The following PEAK1 variants were observed in gnomAD, a reference collection of about 807,000 sequenced individuals.
PEAK1 encodes the protein pseudopodium enriched atypical kinase 1.
A neutral mutation model predicts 124.7 loss-of-function variants in PEAK1; 54 were observed. The ratio of observed to expected loss-of-function variants is 0.43; its 90% CI spans 0.35 to 0.54. The LOEUF (loss-of-function observed/expected upper bound fraction) is 0.54, where lower values mean the gene tolerates loss of function less well. Among genes scored for constraint, PEAK1 ranks in the 20% least tolerant of loss-of-function variants. The pLI is 0.01. For missense variants in PEAK1, 2,046 were observed against 2,134.5 expected (o/e 0.96, Z 0.82); for synonymous variants, 719 against 760.0 (o/e 0.95, Z 0.89).
chr15:77,293,965 C>T (rs1025278746), intron 2 of PEAK1, among the ~76,000 whole-genome samples: 13 of 152,130 alleles, frequency 8.5e-5, no homozygotes, highest in Non-Finnish European at 1.9e-4. Flanking sequence ...TATCTTTTTG[C>T]TAAGTGTGTT....
In PEAK1 at chr15:77,180,125, G is replaced by A; in HGVS notation, c.1802C>T (p.Ala601Val). ...GATAATTGGAAAAGGTGGCATACCA[G>A]CATTGTTATAACTATTAAATTTAAT... ...SEIKFNSYNN[A>V]GMPPFPIIIH... Residue 601 changes from alanine to valine, a missense_variant, in exon 7 of 10, where the codon GCT becomes GTT. Coordinates refer to ENST00000682557, the MANE Select transcript of PEAK1 (RefSeq NM_001385026.1). 2 of 1,614,152 alleles carry A rather than the reference G, an allele frequency of 1.2e-6. No homozygotes were observed. Among genetic ancestry groups the A allele is most frequent in the Non-Finnish European group, 1.7e-6 (2 of 1,180,000 alleles).
intron 3 of PEAK1, among the ~76,000 whole-genome samples, chr15:77,285,570 T>G (rs2062882283): frequency 6.6e-6 from 1 of 152,210 alleles, no homozygotes. Context: ...GAATCCCAAC[T>G]TAACTCTTTA....
chr15:77,162,646 G>A (rs937591506), intron 7 of PEAK1, among the ~76,000 whole-genome samples: 8 of 152,062 alleles, frequency 5.3e-5, no homozygotes, highest in African/African-American at 1.9e-4. Context: ...ATTAGGAGAT[G>A]TTTAATGTGA....
chr15:77,159,532 C>A (rs1266990579), intron 7 of PEAK1, among the ~76,000 whole-genome samples: 1 of 152,104 alleles, frequency 6.6e-6, no homozygotes, highest in Non-Finnish European at 1.5e-5. Context: ...ATGGACTGGT[C>A]AATTAAATTA....
At chr15:77,411,513 C>A (rs961105105) in intron 1 of PEAK1, among the ~76,000 whole-genome samples, 2 of 152,172 alleles carry the variant, frequency 1.3e-5, no homozygotes, top group Non-Finnish European at 2.9e-5. Flanking sequence ...AGTTTCTTGA[C>A]GCACACATGC....
At chr15:77,345,522 C>T (rs1482909172) in intron 2 of PEAK1, among the ~76,000 whole-genome samples, 8 of 152,122 alleles carry the variant, frequency 5.3e-5, no homozygotes, top group Admixed American at 5.2e-4. Flanking sequence ...AAAGGGAGAA[C>T]ATTGCACAAC....
intron 2 of PEAK1, chr15:77,349,608 C>G: frequency 1.0e-6 from 1 of 984,834 alleles, no homozygotes. Context: ...GAGTATGATA[C>G]TGAATCCATG....
chr15:77,258,965 C>A (rs1292318845), intron 5 of PEAK1, among the ~76,000 whole-genome samples: 1 of 152,174 alleles, frequency 6.6e-6, no homozygotes, highest in East Asian at 1.9e-4. Flanking sequence ...AAGGCCTTTT[C>A]TCCATCTATT....
intron 2 of PEAK1, chr15:77,355,835 C>T: frequency 1.0e-6 from 1 of 985,198 alleles, no homozygotes; most frequent in Non-Finnish European, 1.2e-6. Flanking sequence ...AACTGCTGAC[C>T]CCCTCCCAGA....
chr15:77,380,877 T>G (rs1197849724), intron 1 of PEAK1, among the ~76,000 whole-genome samples: 1 of 152,202 alleles, frequency 6.6e-6, no homozygotes. Flanking sequence ...TATGCCACTT[T>G]CATCAACCCA....
intron 7 of PEAK1, among the ~76,000 whole-genome samples, chr15:77,165,355 C>T (rs1238695529): frequency 2.6e-5 from 4 of 152,024 alleles, no homozygotes; most frequent in African/African-American, 7.3e-5. Context: ...CCACCATGCC[C>T]GGCTAATTAT....
chr15:77,172,468 T>C (rs2056574222), intron 7 of PEAK1, among the ~76,000 whole-genome samples: 2 of 152,186 alleles, frequency 1.3e-5, no homozygotes, highest in South Asian at 2.1e-4. Context: ...ATACAGTTAG[T>C]TGTTTTCCTT....
intron 2 of PEAK1, chr15:77,332,440 A>G (rs977068063): frequency 1.9e-4 from 39 of 205,870 alleles, no homozygotes; most frequent in African/African-American, 8.5e-4. Context: ...TGTACTAAAA[A>G]TACAAAAAAA....
intron 1 of PEAK1, among the ~76,000 whole-genome samples, chr15:77,384,150 G>C (rs911127083): frequency 3.3e-5 from 5 of 151,336 alleles, no homozygotes; most frequent in African/African-American, 9.7e-5. Context: ...GAAGATCAGA[G>C]TAAAACAAAA....
intron 6 of PEAK1, among the ~76,000 whole-genome samples, chr15:77,238,087 A>G (rs144851347): frequency 6.6e-6 from 1 of 152,010 alleles, no homozygotes; most frequent in East Asian, 1.9e-4. Flanking sequence ...TCTATGTTCC[A>G]TTTTTCTTTC....
chr15:77,335,411 G>A (rs2066137801), intron 2 of PEAK1: 1 of 985,284 alleles, frequency 1.0e-6, no homozygotes, highest in South Asian at 4.7e-5. Context: ...GTGAAGATAG[G>A]AAACTTTTTT....
At chr15:77,270,063 AG>A (rs1170382107) in intron 5 of PEAK1, among the ~76,000 whole-genome samples, 1 of 152,114 alleles carries the variant, frequency 6.6e-6, no homozygotes, top group East Asian at 1.9e-4. Context: ...TGTTCTTTTG[AG>A]GAGTGCTTTA....
In PEAK1 at chr15:77,420,095, G is replaced by T; in HGVS notation, c.-755C>A. On this transcript the variant is annotated 5_prime_UTR_variant, in exon 1 of 10. Coordinates refer to ENST00000682557, the MANE Select transcript of PEAK1 (RefSeq NM_001385026.1). ...CCACGGCCGCCGCCGCCGAGCAACT[G>T]ACACTGACTAACAACAACTAACTAA... 2 of 150,914 alleles carry T rather than the reference G, an allele frequency of 1.3e-5. No homozygotes were observed. Among genetic ancestry groups the T allele is most frequent in the South Asian group, 3.8e-4 (2 of 5,310 alleles). The allele number at this position is 150,914 out of a possible 1,614,324, so 9.3% of individuals were successfully genotyped here.
chr15:77,195,547 C>T (rs1287148944), intron 6 of PEAK1, among the ~76,000 whole-genome samples: 1 of 152,096 alleles, frequency 6.6e-6, no homozygotes, highest in East Asian at 1.9e-4. Flanking sequence ...AAAAGGACAG[C>T]TCTTCTTTCA....
Sources: gnomAD v4.1 joint callset for allele counts (sites outside exome capture counted in the v4.1 genomes callset) on GRCh38, gnomAD v4.1.1 for gene constraint, MANE v1.5 for transcripts, NCBI Gene and HGNC (gene_info 2026-07-23, HGNC 2026-07-21) for gene names.